The following NIBAN1 variants were observed in gnomAD, a reference collection of about 807,000 sequenced individuals.
NIBAN1 encodes niban apoptosis regulator 1.
A neutral mutation model predicts 75.1 loss-of-function variants in NIBAN1; 81 were observed. The ratio of observed to expected loss-of-function variants is 1.08; its 90% confidence interval spans 0.90 to 1.30. The LOEUF is 1.30. Ranked by LOEUF, NIBAN1 falls within the 50% of genes most tolerant of loss-of-function variation. NIBAN1 has a pLI of 0.00. For missense variants in NIBAN1, 1,133 were observed against 1,128.1 expected, an observed-to-expected ratio of 1.00 and a Z score of -0.06; for synonymous variants, 436 against 424.8, an observed-to-expected ratio of 1.03 and a Z score of -0.32.
intron 1 of NIBAN1, among the ~76,000 whole-genome samples, chr1:184,906,691 C>T (rs1408381923): frequency 6.6e-6 from 1 of 152,110 alleles, no homozygotes; most frequent in African/African-American, 2.4e-5. Flanking sequence ...TCTTTTCAAG[C>T]TTTTAAATGA....
intron 5 of NIBAN1, among the ~76,000 whole-genome samples, chr1:184,861,448 AGCATACAAAAGGT>A (rs1325063175): frequency 1.3e-5 from 2 of 152,142 alleles, no homozygotes; most frequent in Non-Finnish European, 2.9e-5. Flanking sequence ...GCAAGGGCTC[AGCATACAAAAGGT>A]GCTGATAAGT....
intron 5 of NIBAN1, among the ~76,000 whole-genome samples, chr1:184,860,384 C>T (rs1432049439): frequency 1.3e-5 from 2 of 151,812 alleles, no homozygotes; most frequent in South Asian, 4.2e-4. Context: ...AATTAGCTTC[C>T]AAAAATTGTA....
chr1:184,892,085 A>C (rs1656682735), intron 3 of NIBAN1, among the ~76,000 whole-genome samples: 1 of 152,240 alleles, frequency 6.6e-6, no homozygotes, highest in South Asian at 2.1e-4. Context: ...ATGAAACCTC[A>C]GTTAGTGTTA....
intron 1 of NIBAN1, among the ~76,000 whole-genome samples, chr1:184,940,094 T>C (rs1658051413): frequency 6.6e-6 from 1 of 152,200 alleles, no homozygotes; most frequent in Non-Finnish European, 1.5e-5. Context: ...TGTCTCCAGA[T>C]GCAGAATAAG....
intron 1 of NIBAN1, among the ~76,000 whole-genome samples, chr1:184,914,618 G>A (rs915198819): frequency 6.6e-6 from 1 of 152,106 alleles, no homozygotes; most frequent in Non-Finnish European, 1.5e-5. Flanking sequence ...ACAACATGAT[G>A]CTATGGGATA....
At chr1:184,909,040 C>T (rs909131345) in intron 1 of NIBAN1, among the ~76,000 whole-genome samples, 3 of 152,142 alleles carry the variant, frequency 2.0e-5, no homozygotes, top group African/African-American at 7.2e-5. Context: ...TAATGAGATT[C>T]CCTTTGCTCT....
chr1:184,961,638 T>C lies in NIBAN1; in HGVS notation c.55+12664A>G, dbSNP rs946548183. Among the ~76,000 whole-genome samples, 6 of 152,340 alleles carry C rather than the reference T, an allele frequency of 3.9e-5. No individual in the cohort carries two copies. The East Asian group carries it at 1.2e-3, about 29-fold the overall frequency. On this transcript the variant is annotated intron_variant, in intron 1 of 13. Transcript: ENST00000367511. ...ATCCATGACCCTCCCTATAACCATG[T>C]GCTTCAGAGAAATGGCTCTAACCCC...
At chr1:184,862,743 T>C (rs1016645550) in intron 5 of NIBAN1, among the ~76,000 whole-genome samples, 2 of 152,170 alleles carry the variant, frequency 1.3e-5, no homozygotes, top group Non-Finnish European at 2.9e-5. Flanking sequence ...CAAATCTCCC[T>C]TTTGTGGTCA....
At chr1:184,843,509 T>C (rs1030100760) in intron 5 of NIBAN1, among the ~76,000 whole-genome samples, 1 of 152,236 alleles carries the variant, frequency 6.6e-6, no homozygotes, top group Non-Finnish European at 1.5e-5. Context: ...CTCTGTGTGC[T>C]GAAGTTGTGA....
intron 1 of NIBAN1, among the ~76,000 whole-genome samples, chr1:184,956,526 G>A (rs115253619): frequency 2.4e-3 from 364 of 152,234 alleles, no homozygotes; most frequent in African/African-American, 8.1e-3. Flanking sequence ...AGATGTTTTC[G>A]TAGCACATTT....
intron 6 of NIBAN1, among the ~76,000 whole-genome samples, chr1:184,830,501 A>AAG (rs1553218153): frequency 6.6e-6 from 1 of 152,186 alleles, no homozygotes; most frequent in Admixed American, 6.5e-5. Flanking sequence ...CAGAAAAAAA[A>AAG]AGAGAGAGAG....
rs190253175 is a variant in NIBAN1, at chr1:184,921,044, G to A, written c.56-21735C>T. On this transcript the variant is annotated intron_variant, in intron 1 of 13. Transcript: ENST00000367511. ...CTCAGGAGGCTGAGGCAGGAGAATC[G>A]CTTGAATCAGGGAGGCAGAGGTTGC... 6.2e-3 allele frequency among the ~76,000 whole-genome samples: 944 copies of A among 151,074 alleles called. 7 individuals are homozygous for A. The highest frequency in any genetic ancestry group is 0.014 in the Middle Eastern group (4 of 292).
At chr1:184,827,954 TTTTTTG>T (rs1326237415) in intron 6 of NIBAN1, among the ~76,000 whole-genome samples, 1 of 138,994 alleles carries the variant, frequency 7.2e-6, no homozygotes, top group African/African-American at 2.9e-5. Context: ...GGTAGTTTTG[TTTTTTG>T]TTTTTTTTTT....
intron 5 of NIBAN1, among the ~76,000 whole-genome samples, chr1:184,870,775 T>C (rs1193284792): frequency 6.6e-6 from 1 of 152,196 alleles, no homozygotes; most frequent in Non-Finnish European, 1.5e-5. Context: ...GCATACTCTA[T>C]ACCGTAACCA....
chr1:184,966,224 T>C (rs563577088), intron 1 of NIBAN1, among the ~76,000 whole-genome samples: 2 of 152,336 alleles, frequency 1.3e-5, no homozygotes, highest in African/African-American at 4.8e-5. Context: ...CAACAAAATG[T>C]GGCAGAGTAA....
intron 9 of NIBAN1, among the ~76,000 whole-genome samples, chr1:184,810,505 T>G (rs966634833): frequency 2.0e-5 from 3 of 152,206 alleles, no homozygotes; most frequent in Non-Finnish European, 4.4e-5. Context: ...TTTTAGTCCT[T>G]GTGGATGAAC....
At chr1:184,873,980 G>GT (rs1249141751) in intron 5 of NIBAN1, among the ~76,000 whole-genome samples, 2 of 152,048 alleles carry the variant, frequency 1.3e-5, no homozygotes, top group African/African-American at 4.8e-5. Flanking sequence ...TGTAATTAAA[G>GT]TTTAAGTCCA....
intron 1 of NIBAN1, among the ~76,000 whole-genome samples, chr1:184,959,010 A>C (rs1658560976): frequency 6.6e-6 from 1 of 152,212 alleles, no homozygotes; most frequent in African/African-American, 2.4e-5. Context: ...ATTCAATCCA[A>C]ATTTGGAAAA....
chr1:184,898,870 A>T (rs1343473658), intron 2 of NIBAN1, among the ~76,000 whole-genome samples: 1 of 152,226 alleles, frequency 6.6e-6, no homozygotes, highest in African/African-American at 2.4e-5. Flanking sequence ...CAAAGAGAAA[A>T]TCATATTTGA....
Sources: allele counts gnomAD v4.1 joint callset (sites outside exome capture counted in the v4.1 genomes callset), GRCh38; gene constraint gnomAD v4.1.1; transcripts MANE v1.5; gene names NCBI Gene and HGNC (gene_info 2026-07-23, HGNC 2026-07-21).